DOK6: variants seen among roughly 807,000 people sequenced by gnomAD.
The protein encoded by DOK6 is downstream of tyrosine kinase 6.
DOK6 carries 22 observed loss-of-function variants against 44.0 expected under a neutral mutation model. The observed-to-expected ratio is 0.50, with a 90% confidence interval of 0.36 to 0.71. DOK6 has a LOEUF of 0.71. DOK6 is among the 30% of genes least tolerant of loss of function. The pLI is 0.00. For synonymous variants in DOK6, 166 were observed against 145.5 expected (o/e 1.14, Z -1.01); for missense variants, 340 against 416.4 (o/e 0.82, Z 1.60).
intron 7 of DOK6, among the ~76,000 whole-genome samples, chr18:69,776,255 A>G (rs944593061): frequency 6.6e-6 from 1 of 152,012 alleles, no homozygotes; most frequent in Non-Finnish European, 1.5e-5. Flanking sequence ...CATTAACAAA[A>G]TTTGACAACA....
intron 1 of DOK6, among the ~76,000 whole-genome samples, chr18:69,439,418 T>A (rs1879816902): frequency 6.6e-6 from 1 of 152,244 alleles, no homozygotes; most frequent in African/African-American, 2.4e-5. Context: ...AGCCAGGCAT[T>A]GACTTCTCCT....
intron 1 of DOK6, among the ~76,000 whole-genome samples, chr18:69,502,304 C>G (rs2144549269): frequency 1.3e-5 from 2 of 151,902 alleles, no homozygotes; most frequent in South Asian, 4.2e-4. Flanking sequence ...GACTCTGAAA[C>G]CAAGAAAACC....
chr18:69,531,400 A>T (rs756081834), intron 1 of DOK6, among the ~76,000 whole-genome samples: 1 of 151,554 alleles, frequency 6.6e-6, no homozygotes, highest in Admixed American at 6.6e-5. Context: ...CCAGTCAAAA[A>T]TCTAGTTGAA....
intron 1 of DOK6, among the ~76,000 whole-genome samples, chr18:69,418,711 A>G (rs947784331): frequency 1.3e-5 from 2 of 151,972 alleles, no homozygotes; most frequent in African/African-American, 2.4e-5. Context: ...GCCTTAAGCA[A>G]TCCTCCTGCC....
In DOK6 at chr18:69,677,405, T is replaced by C. The variant is rs182608221; in HGVS notation, c.290-329T>C. Among the ~76,000 whole-genome samples, 849 of 151,130 alleles carry C rather than the reference T, an allele frequency of 5.6e-3. 11 individuals carry two copies. The highest frequency in any genetic ancestry group is 0.02 in the African/African-American group (822 of 41,292). ...ATATATGTATATAAAATGTAAAGCA[T>C]GATGGCTAATTTATTATTTTAAGTA... On this transcript the variant is annotated intron_variant, in intron 3 of 7. Transcript: ENST00000382713.
chr18:69,739,348 TG>T (rs1046615307), intron 6 of DOK6, among the ~76,000 whole-genome samples: 100 of 152,354 alleles, frequency 6.6e-4, no homozygotes, highest in African/African-American at 2.3e-3. Context: ...CCTGTTGCCT[TG>T]GATGTCAGAG....
At chr18:69,747,602 C>CG (rs1979031157) in intron 6 of DOK6, among the ~76,000 whole-genome samples, 4 of 151,020 alleles carry the variant, frequency 2.6e-5, no homozygotes, top group East Asian at 2.0e-4. Context: ...CGCCCCCTCC[C>CG]CCCCACAGAA....
intron 2 of DOK6, among the ~76,000 whole-genome samples, chr18:69,573,719 G>T (rs990592337): frequency 2.6e-5 from 4 of 151,600 alleles, no homozygotes; most frequent in Admixed American, 6.6e-5. Context: ...TTGTTTCTTT[G>T]TATCAACCTT....
chr18:69,538,296 C>A (rs1568289654), intron 1 of DOK6, among the ~76,000 whole-genome samples: 1 of 151,964 alleles, frequency 6.6e-6, no homozygotes, highest in Admixed American at 6.6e-5. Context: ...ATTTTAGTGT[C>A]TTTTTTTAAA....
intron 1 of DOK6, among the ~76,000 whole-genome samples, chr18:69,472,027 G>C (rs943240447): frequency 1.3e-5 from 2 of 152,058 alleles, no homozygotes; most frequent in South Asian, 4.1e-4. Flanking sequence ...CAGGGACTGT[G>C]GTCAGGGCTT....
At chr18:69,617,661 C>T (rs1190513786) in intron 3 of DOK6, among the ~76,000 whole-genome samples, 6 of 74,820 alleles carry the variant, frequency 8.0e-5, no homozygotes, top group Non-Finnish European at 1.7e-4. Context: ...GGGAAAAGAG[C>T]GATAAGAGAA....
At chr18:69,447,465 G>C (rs992094774) in intron 1 of DOK6, among the ~76,000 whole-genome samples, 3 of 152,186 alleles carry the variant, frequency 2.0e-5, no homozygotes, top group Non-Finnish European at 4.4e-5. Flanking sequence ...TAGCCTTGTA[G>C]TGTAGTTTGA....
intron 7 of DOK6, among the ~76,000 whole-genome samples, chr18:69,802,404 A>G (rs1980929355): frequency 6.6e-6 from 1 of 152,170 alleles, no homozygotes; most frequent in Non-Finnish European, 1.5e-5. Flanking sequence ...GAGCATCAGT[A>G]CTTGTTACAG....
chr18:69,705,598 T>A (rs1411436331), intron 5 of DOK6, among the ~76,000 whole-genome samples: 1 of 152,224 alleles, frequency 6.6e-6, no homozygotes, highest in Non-Finnish European at 1.5e-5. Context: ...TTGAAAGGTT[T>A]TAGCAATAAT....
At chr18:69,835,785 G>A (rs1341299897) in intron 7 of DOK6, among the ~76,000 whole-genome samples, 1 of 152,030 alleles carries the variant, frequency 6.6e-6, no homozygotes, top group Non-Finnish European at 1.5e-5. Flanking sequence ...TGTTTTCTTT[G>A]TTATTTATAG....
chr18:69,505,259 A>C (rs533517174), intron 1 of DOK6, among the ~76,000 whole-genome samples: 1 of 152,282 alleles, frequency 6.6e-6, no homozygotes, highest in Non-Finnish European at 1.5e-5. Flanking sequence ...ACTGTGGTTA[A>C]GCAAAAGTGG....
In DOK6 at chr18:69,518,553, G is replaced by T. The variant is rs558660881; in HGVS notation, c.67-45934G>T. On this transcript the variant is annotated intron_variant, in intron 1 of 7. Coordinates refer to ENST00000382713, the MANE Select transcript of DOK6 (RefSeq NM_152721.6). ...AATGTTTGCCTGAAGACATCAGTAG[G>T]TTATCACAGTTGAGGTCAATGACTG... 2.6e-5 allele frequency among the ~76,000 whole-genome samples: 4 copies of T among 151,332 alleles called. No individual in the cohort carries two copies. The East Asian group carries it at 7.8e-4, about 29-fold the overall frequency.
rs1158808680 is a variant in DOK6, at chr18:69,786,262, C to CA, written c.856+28396dup. 5.3e-5 allele frequency among the ~76,000 whole-genome samples: 8 copies of CA among 152,046 alleles called. No individual in the cohort carries two copies. The South Asian group carries it at 1.0e-3, about 20-fold the overall frequency. On this transcript the variant is annotated intron_variant, in intron 7 of 7. Transcript: ENST00000382713. ...ACCAAAGCACATGATAATAATCTAGCAAAAAAATCCTATATTTGATTTTTG... is the reference window on the plus strand; with the variant it reads ...ACCAAAGCACATGATAATAATCTAGCAAAAAAAATCCTATATTTGATTTTTG...
intron 1 of DOK6, among the ~76,000 whole-genome samples, chr18:69,473,666 T>C (rs1240904078): frequency 6.6e-6 from 1 of 152,226 alleles, no homozygotes; most frequent in Non-Finnish European, 1.5e-5. Context: ...CTAGGTCATA[T>C]GCAGGGATTT....
Sources: gnomAD v4.1 joint callset for allele counts (sites outside exome capture counted in the v4.1 genomes callset) on GRCh38, gnomAD v4.1.1 for gene constraint, MANE v1.5 for transcripts, NCBI Gene and HGNC (gene_info 2026-07-23, HGNC 2026-07-21) for gene names.